Variants in RBFOX1 observed in about 807,000 individuals in gnomAD.
The protein encoded by RBFOX1 is RNA binding fox-1 homolog 1.
RBFOX1 carries 8 observed loss-of-function variants against 57.7 expected under a neutral mutation model. That is an observed-to-expected ratio of 0.14 (90% CI 0.08 to 0.25). The LOEUF (loss-of-function observed/expected upper bound fraction) is 0.25, where lower values mean the gene tolerates loss of function less well. Ranked by LOEUF, RBFOX1 falls within the 10% of genes least tolerant of loss-of-function variation. The pLI is 1.00. For synonymous variants in RBFOX1, 326 were observed against 222.4 expected, an observed-to-expected ratio of 1.47 and a Z score of -4.15; for missense variants, 611 against 548.5, an observed-to-expected ratio of 1.11 and a Z score of -1.14.
At chr16:7,203,726 C>G (rs1400750552) in intron 4 of RBFOX1, among the ~76,000 whole-genome samples, 4 of 151,888 alleles carry the variant, frequency 2.6e-5, no homozygotes, top group African/African-American at 9.7e-5. Flanking sequence ...TCTCTGTTTC[C>G]CTTTGCAAAT....
At chr16:6,198,320 T>A (rs183688983) in intron 1 of RBFOX1, among the ~76,000 whole-genome samples, 1 of 152,290 alleles carries the variant, frequency 6.6e-6, no homozygotes, top group East Asian at 1.9e-4. Flanking sequence ...CAAGACTTGA[T>A]GACAAGATAC....
In RBFOX1 at chr16:6,989,575, G is replaced by A. The variant is rs141725467; in HGVS notation, c.-15-62482G>A. 2.1e-3 allele frequency among the ~76,000 whole-genome samples: 317 copies of A among 152,248 alleles called. 2 individuals are homozygous for A. The highest frequency in any genetic ancestry group is 7.4e-3 in the African/African-American group (307 of 41,552). On this transcript the variant is annotated intron_variant, in intron 3 of 15. Transcript: ENST00000550418. The stretch of plus-strand genomic sequence containing the variant: ...GGATGGATATAAAGAATAGAAACAG[G>A]TACAGCTGTGGAGAATGCAACCATT...
chr16:6,823,860 G>A (rs1158783987), intron 3 of RBFOX1, among the ~76,000 whole-genome samples: 1 of 152,154 alleles, frequency 6.6e-6, no homozygotes. Flanking sequence ...CTGTGCTGTG[G>A]GCTGGGGTTG....
At position 7,710,988 on chromosome 16, in the gene RBFOX1, T is replaced by C. The variant is rs1469618325; in HGVS notation, c.*243T>C. The C allele has an allele frequency of 6.9e-6, 3 of 437,554 alleles. No homozygotes were observed. The highest frequency in any genetic ancestry group is 6.2e-5 in the African/African-American group (3 of 48,760). 27.1% of individuals were successfully genotyped at this position (437,554 alleles called of 1,614,324 possible). On this transcript the variant is annotated 3_prime_UTR_variant, in exon 16 of 16. Coordinates refer to ENST00000550418, the MANE Select transcript of RBFOX1 (RefSeq NM_018723.4). ...TTTGGTTGCTGGCTGTAGGAGTTTT[T>C]GTGGTTGATCTAGACAGATGCTAGA...
At chr16:7,653,754 C>T (rs1166968575) in intron 11 of RBFOX1, 61 bp from the exon 12 acceptor site, 3 of 1,598,332 alleles carry the variant, frequency 1.9e-6, no homozygotes, top group East Asian at 4.5e-5. Context: ...CAGTTCCCTC[C>T]ACAGCAGGGT....
intron 1 of RBFOX1, among the ~76,000 whole-genome samples, chr16:5,312,883 C>T (rs1293883246): frequency 6.6e-6 from 1 of 152,184 alleles, no homozygotes; most frequent in Non-Finnish European, 1.5e-5. Flanking sequence ...CTGCAGATTG[C>T]AGGATCTGAT....
chr16:5,773,175 A>C (rs1340431434), intron 3 of RBFOX1, among the ~76,000 whole-genome samples: 1 of 152,212 alleles, frequency 6.6e-6, no homozygotes, highest in African/African-American at 2.4e-5. Context: ...TGCTGAAGGT[A>C]GACTTCAGGG....
chr16:6,884,634 C>G (rs192650131), intron 3 of RBFOX1, among the ~76,000 whole-genome samples: 1 of 152,244 alleles, frequency 6.6e-6, no homozygotes, highest in Admixed American at 6.5e-5. Flanking sequence ...TGTGGTGGCT[C>G]ACACCTGTAA....
chr16:6,762,204 G>C (rs777090845), intron 3 of RBFOX1, among the ~76,000 whole-genome samples: 11 of 151,506 alleles, frequency 7.3e-5, no homozygotes, highest in Non-Finnish European at 1.5e-4. Flanking sequence ...ATTAGAATTA[G>C]ATAAAATAAC....
intron 5 of RBFOX1, among the ~76,000 whole-genome samples, chr16:7,562,486 C>A (rs1054457355): frequency 8.5e-5 from 13 of 152,074 alleles, no homozygotes; most frequent in Non-Finnish European, 1.6e-4. Context: ...AGACACGAGA[C>A]CCTGGGCAAC....
intron 4 of RBFOX1, among the ~76,000 whole-genome samples, chr16:7,265,404 T>C (rs2095088928): frequency 6.6e-6 from 1 of 152,004 alleles, no homozygotes; most frequent in Non-Finnish European, 1.5e-5. Context: ...TCTTTTTCTT[T>C]ATGTTTTCTT....
chr16:7,178,935 C>G (rs1009545136), intron 4 of RBFOX1, among the ~76,000 whole-genome samples: 1 of 152,070 alleles, frequency 6.6e-6, no homozygotes, highest in Non-Finnish European at 1.5e-5. Context: ...AGTGAAGTCT[C>G]TCTCTGTTTA....
chr16:7,521,440 G>T (rs1489662934), intron 5 of RBFOX1, among the ~76,000 whole-genome samples: 2 of 152,196 alleles, frequency 1.3e-5, no homozygotes, highest in African/African-American at 4.8e-5. Flanking sequence ...GGTTAGTGAT[G>T]CCTAGCTTAA....
intron 1 of RBFOX1, among the ~76,000 whole-genome samples, chr16:6,213,504 A>G (rs1302229929): frequency 6.6e-6 from 1 of 151,830 alleles, no homozygotes; most frequent in Non-Finnish European, 1.5e-5. Flanking sequence ...CTGCCTTGAC[A>G]CTCTAACAGA....
chr16:6,644,889 G>C (rs2098521236), intron 2 of RBFOX1, among the ~76,000 whole-genome samples: 1 of 152,180 alleles, frequency 6.6e-6, no homozygotes, highest in African/African-American at 2.4e-5. Flanking sequence ...CTGCAAGAGA[G>C]ATCAGCACAA....
chr16:5,979,529 A>C (rs1430643649), intron 4 of RBFOX1, among the ~76,000 whole-genome samples: 3 of 152,216 alleles, frequency 2.0e-5, no homozygotes, highest in African/African-American at 7.2e-5. Flanking sequence ...GCCCTCATGT[A>C]ATCCTTACAT....
intron 2 of RBFOX1, among the ~76,000 whole-genome samples, chr16:6,523,390 A>T (rs2096535571): frequency 6.6e-6 from 1 of 152,088 alleles, no homozygotes; most frequent in African/African-American, 2.4e-5. Context: ...TGTGATTTTG[A>T]TTGTGTCTAT....
chr16:6,737,618 T>A (rs2070771316), intron 3 of RBFOX1, among the ~76,000 whole-genome samples: 1 of 152,168 alleles, frequency 6.6e-6, no homozygotes, highest in African/African-American at 2.4e-5. Flanking sequence ...TGTGAGGGCT[T>A]AGCAAATAAA....
intron 4 of RBFOX1, among the ~76,000 whole-genome samples, chr16:7,283,980 C>G (rs2095599561): frequency 6.6e-6 from 1 of 152,228 alleles, no homozygotes; most frequent in African/African-American, 2.4e-5. Flanking sequence ...TTGGCAGTCT[C>G]TTTTCTGTCT....
Sources: gnomAD v4.1 joint callset for allele counts (sites outside exome capture counted in the v4.1 genomes callset) on GRCh38, gnomAD v4.1.1 for gene constraint, MANE v1.5 for transcripts, NCBI Gene and HGNC (gene_info 2026-07-23, HGNC 2026-07-21) for gene names.